Variants in PMFBP1 observed in about 807,000 individuals in gnomAD.
PMFBP1 encodes the protein polyamine modulated factor 1 binding protein 1.
PMFBP1 carries 131 observed loss-of-function variants against 137.8 expected under a neutral mutation model. The observed-to-expected ratio is 0.95, with a 90% CI of 0.82 to 1.10. PMFBP1 has a LOEUF of 1.10. Ranked by LOEUF, PMFBP1 falls within the 50% of genes least tolerant of loss-of-function variation. The pLI is 0.00. For synonymous variants in PMFBP1, 490 were observed against 450.4 expected (o/e 1.09, Z -1.11); for missense variants, 1,199 against 1,175.4 (o/e 1.02, Z -0.29).
chr16:72,223,929 A>T, the PMFBP1 span, among the ~76,000 whole-genome samples: 1 of 152,222 alleles, frequency 6.6e-6, no homozygotes, highest in African/African-American at 2.4e-5. Context: ...TGAAGGGCAA[A>T]CACCTGGGAA....
intron 2 of PMFBP1, 33 bp from the exon 3 acceptor site, chr16:72,164,949 T>C: frequency 4.5e-6 from 7 of 1,551,892 alleles, no homozygotes; most frequent in Non-Finnish European, 6.1e-6. Flanking sequence ...GCATCAATTA[T>C]AAACTATCAA....
At chr16:72,225,521 GTCTT>G in the PMFBP1 span, among the ~76,000 whole-genome samples, 1 of 151,830 alleles carries the variant, frequency 6.6e-6, no homozygotes, top group East Asian at 1.9e-4. Context: ...AAGACCCCAT[GTCTT>G]TACACGGGGT....
chr16:72,182,400 G>A, the PMFBP1 span, among the ~76,000 whole-genome samples: 1 of 151,392 alleles, frequency 6.6e-6, no homozygotes, highest in Non-Finnish European at 1.5e-5. Flanking sequence ...AGAGGCTGAG[G>A]CACGAGAATC....
chr16:72,230,128 C>A, the PMFBP1 span, among the ~76,000 whole-genome samples: 1 of 152,190 alleles, frequency 6.6e-6, no homozygotes, highest in South Asian at 2.1e-4. Context: ...AATCCTAACA[C>A]ATTCATTTGT....
intron 9 of PMFBP1, among the ~76,000 whole-genome samples, chr16:72,134,286 T>C (rs1021247265): frequency 3.9e-5 from 6 of 152,178 alleles, no homozygotes; most frequent in Non-Finnish European, 8.8e-5. Context: ...CCCATATGGA[T>C]AACTACCACT....
At chr16:72,134,822 G>C (rs1343521678) in intron 9 of PMFBP1, among the ~76,000 whole-genome samples, 1 of 152,158 alleles carries the variant, frequency 6.6e-6, no homozygotes, top group Non-Finnish European at 1.5e-5. Context: ...TGATCACCCT[G>C]TGTACAACCG....
the PMFBP1 span, among the ~76,000 whole-genome samples, chr16:72,244,450 T>G: frequency 6.6e-6 from 1 of 152,154 alleles, no homozygotes. Context: ...GATAGGTCAG[T>G]TTGTTGAAAA....
At chr16:72,225,429 C>A in the PMFBP1 span, among the ~76,000 whole-genome samples, 8 of 152,062 alleles carry the variant, frequency 5.3e-5, no homozygotes, top group African/African-American at 1.9e-4. Flanking sequence ...GTGGCTTATG[C>A]CTATAATCCC....
upstream of PMFBP1, among the ~76,000 whole-genome samples, chr16:72,174,256 C>G (rs552386416): frequency 2.0e-5 from 3 of 152,316 alleles, no homozygotes; most frequent in African/African-American, 4.8e-5. Flanking sequence ...GTAACTCTTT[C>G]TATTACTCAG....
intron 19 of PMFBP1, 104 bp from the exon 20 acceptor site, chr16:72,120,193 T>C: frequency 6.4e-7 from 1 of 1,561,250 alleles, no homozygotes. Context: ...ACAGCACAGA[T>C]GCCCAGGTCT....
intron 16 of PMFBP1, 142 bp downstream of exon 16, chr16:72,125,096 T>G: frequency 7.3e-7 from 1 of 1,378,010 alleles, no homozygotes; most frequent in East Asian, 2.3e-5. Flanking sequence ...TTGCTGCCTC[T>G]GTCTGAAGTT....
chr16:72,200,743 A>G, the PMFBP1 span, among the ~76,000 whole-genome samples: 1 of 152,228 alleles, frequency 6.6e-6, no homozygotes, highest in African/African-American at 2.4e-5. Context: ...TTTCATAACT[A>G]TTACCTTATT....
chr16:72,220,969 G>A, the PMFBP1 span, among the ~76,000 whole-genome samples: 6 of 152,296 alleles, frequency 3.9e-5, no homozygotes, highest in South Asian at 6.2e-4. Flanking sequence ...AGTTTCCTGA[G>A]GATTGTGCCC....
the PMFBP1 span, among the ~76,000 whole-genome samples, chr16:72,213,037 A>G: frequency 2.0e-5 from 3 of 152,246 alleles, no homozygotes; most frequent in Admixed American, 6.5e-5. Flanking sequence ...TCTTCACAGT[A>G]TCTTTAGCTG....
chr16:72,193,389 C>A, the PMFBP1 span, among the ~76,000 whole-genome samples: 1 of 151,690 alleles, frequency 6.6e-6, no homozygotes, highest in African/African-American at 2.4e-5. Context: ...GATTCTGTCT[C>A]TAAAAATAAA....
In PMFBP1 at chr16:72,126,054, G is replaced by A. The variant is rs778768579; in HGVS notation, c.2167C>T (p.Gln723Ter). The change falls in exon 15 of 21, where the codon CAG becomes TAG. Residue 723 changes from glutamine to a stop codon, truncating the protein, a stop_gained. Coordinates refer to ENST00000237353, the MANE Select transcript of PMFBP1 (RefSeq NM_031293.3). LOFTEE classifies it high-confidence loss of function. ...KALQKEKHYLQTTITKEAYDA... is the reference protein window; with the variant it reads ...KALQKEKHYL ...TAGGCTTCTTTGGTGATGGTAGTCT[G>A]GAGATAGTGCTTCTCCTTCTGCAGA... 6.2e-7 allele frequency: 1 copy of A among 1,614,112 alleles called. No homozygotes were observed. The highest frequency in any genetic ancestry group is 1.3e-5 in the African/African-American group (1 of 74,928).
At chr16:72,157,094 C>A (rs1387455597) in intron 3 of PMFBP1, among the ~76,000 whole-genome samples, 1 of 142,510 alleles carries the variant, frequency 7.0e-6, no homozygotes, top group East Asian at 2.1e-4. Context: ...GAGGTTGAGG[C>A]AGGAAAATGG....
chr16:72,204,452 G>A, the PMFBP1 span, among the ~76,000 whole-genome samples: 12 of 152,186 alleles, frequency 7.9e-5, no homozygotes, highest in South Asian at 1.0e-3. Context: ...ATCTGCCTGC[G>A]TTGGCCTCCC....
At chr16:72,146,628 T>C (rs2042811412) in intron 5 of PMFBP1, among the ~76,000 whole-genome samples, 1 of 152,154 alleles carries the variant, frequency 6.6e-6, no homozygotes, top group African/African-American at 2.4e-5. Context: ...GAAAACCCCA[T>C]CGTCTCAGCC....
Sources: gnomAD v4.1 joint callset for allele counts (sites outside exome capture counted in the v4.1 genomes callset) on GRCh38, gnomAD v4.1.1 for gene constraint, MANE v1.5 for transcripts, NCBI Gene and HGNC (gene_info 2026-07-23, HGNC 2026-07-21) for gene names.